The following TMEM229B variants were observed in gnomAD, a reference collection of about 807,000 sequenced individuals.
TMEM229B encodes transmembrane protein 229B.
In TMEM229B, 6 loss-of-function variants were observed where a neutral mutation model predicts 13.7. That is an observed-to-expected ratio of 0.44 (90% CI 0.24 to 0.86). The LOEUF (loss-of-function observed/expected upper bound fraction) is 0.86. Ranked by LOEUF, TMEM229B falls within the 40% of genes least tolerant of loss-of-function variation. The pLI is 0.23. For missense variants in TMEM229B, 170 were observed against 236.0 expected, an observed-to-expected ratio of 0.72 and a Z score of 1.83; for synonymous variants, 107 against 102.1, an observed-to-expected ratio of 1.05 and a Z score of -0.29.
At chr14:67,474,302 C>T (rs1273375921) in intron 2 of TMEM229B, among the ~76,000 whole-genome samples, 1 of 151,802 alleles carries the variant, frequency 6.6e-6, no homozygotes, top group East Asian at 1.9e-4. Flanking sequence ...ATAACCCACC[C>T]ACCCCACTGA....
intron 2 of TMEM229B, among the ~76,000 whole-genome samples, chr14:67,485,542 A>G (rs1177074443): frequency 6.6e-6 from 1 of 152,194 alleles, no homozygotes; most frequent in Non-Finnish European, 1.5e-5. Flanking sequence ...AGGAACTCCA[A>G]AAAAAGCTTG....
At chr14:67,486,792 G>T (rs569078525) in intron 2 of TMEM229B, among the ~76,000 whole-genome samples, 7 of 152,182 alleles carry the variant, frequency 4.6e-5, no homozygotes, top group African/African-American at 7.2e-5. Flanking sequence ...GTCTGGCCTG[G>T]ATTTTAGAGG....
At chr14:67,523,231 G>A (rs1228225106) in intron 1 of TMEM229B, among the ~76,000 whole-genome samples, 1 of 152,064 alleles carries the variant, frequency 6.6e-6, no homozygotes, top group Admixed American at 6.5e-5. Context: ...GCTAAGGCAG[G>A]GAGAATTGCT....
intron 2 of TMEM229B, among the ~76,000 whole-genome samples, chr14:67,477,877 G>T (rs762937489): frequency 1.2e-4 from 19 of 152,228 alleles, no homozygotes; most frequent in Admixed American, 2.6e-4. Flanking sequence ...TAGAACCAGC[G>T]GTCTCAAAGT....
intron 1 of TMEM229B, among the ~76,000 whole-genome samples, chr14:67,508,756 A>AAAAAAAAAAAAAAAAAAC (rs2032922854): frequency 2.0e-5 from 3 of 148,634 alleles, no homozygotes; most frequent in Admixed American, 1.3e-4. Flanking sequence ...CTTGTCTCAA[A>AAAAAAAAAAAAAAAAAAC]AAAAAAAAAA....
In TMEM229B at chr14:67,521,551, C is replaced by T. The variant is rs567405444; in HGVS notation, c.-192+12085G>A. On this transcript the variant is annotated intron_variant, in intron 1 of 2. Coordinates refer to the TMEM229B transcript ENST00000554278. The stretch of plus-strand genomic sequence containing the variant: ...TGGGGATATTTAAAGGTCCTGTCCT[C>T]TCTTGTTTTTTCATCATCAAAAAGA... 7.9e-5 allele frequency among the ~76,000 whole-genome samples: 12 copies of T among 152,262 alleles called. No homozygotes were observed. In the East Asian group the frequency reaches 2.3e-3, roughly 29 times the overall value.
At chr14:67,525,623 G>A (rs7161631) in intron 1 of TMEM229B, among the ~76,000 whole-genome samples, 142,794 of 152,334 alleles carry the variant, frequency 0.94, 67,030 homozygotes, top group South Asian at 0.97. Flanking sequence ...GAGTGGGGAA[G>A]GTCCTAGTAA....
At chr14:67,502,139 C>T (rs2032633323) in intron 1 of TMEM229B, among the ~76,000 whole-genome samples, 1 of 151,988 alleles carries the variant, frequency 6.6e-6, no homozygotes, top group African/African-American at 2.4e-5. Flanking sequence ...TTGAGACCAA[C>T]CTGACCAACA....
At position 67,472,067 on chromosome 14, in the gene TMEM229B, A is replaced by T. The variant is rs2030767688; in HGVS notation, c.*1353T>A. The T allele has an allele frequency of 6.6e-6, 1 of 152,314 alleles. No homozygotes were observed. The highest frequency in any genetic ancestry group is 6.6e-5 in the Admixed American group (1 of 15,260). 9.4% of individuals were successfully genotyped at this position (152,314 alleles called of 1,614,324 possible). ...CAGGGGAACCAAGGTGCCAATGCCC[A>T]TGAGTGTGGCAGGGTTAATACTGTT... On this transcript the variant is annotated 3_prime_UTR_variant, in exon 3 of 3. Transcript: ENST00000554480.
intron 1 of TMEM229B, among the ~76,000 whole-genome samples, chr14:67,502,879 A>G (rs779389951): frequency 3.9e-5 from 6 of 152,204 alleles, no homozygotes; most frequent in African/African-American, 1.2e-4. Flanking sequence ...GGGTCCTGAA[A>G]TGTATTAAGA....
intron 1 of TMEM229B, among the ~76,000 whole-genome samples, chr14:67,522,720 G>A (rs763547383): frequency 6.6e-5 from 10 of 152,094 alleles, no homozygotes; most frequent in Admixed American, 6.5e-5. Flanking sequence ...GAGTCAAAAG[G>A]TTTCTCCCAT....
At chr14:67,492,384 G>T (rs552856055), upstream of TMEM229B, among the ~76,000 whole-genome samples, 1 of 152,168 alleles carries the variant, frequency 6.6e-6, no homozygotes, top group Non-Finnish European at 1.5e-5. Flanking sequence ...ATCAGGCAGC[G>T]GCTGAGAGGC....
chr14:67,526,072 T>G (rs1170709418), intron 1 of TMEM229B, among the ~76,000 whole-genome samples: 8 of 152,194 alleles, frequency 5.3e-5, no homozygotes, highest in Non-Finnish European at 1.5e-5. Context: ...TCTACCTGAT[T>G]CCTTTGTGTG....
In TMEM229B at chr14:67,473,736, A is replaced by T; in HGVS notation, c.188T>A (p.Met63Lys). 1 of 1,612,726 alleles carries T rather than the reference A, an allele frequency of 6.2e-7. No homozygotes were observed. The highest frequency in any genetic ancestry group is 8.5e-7 in the Non-Finnish European group (1 of 1,179,486). ...YGTSILIVERMYLRLRGRCPL... is the reference protein window; with the variant it reads ...YGTSILIVERKYLRLRGRCPL... ...GCAGCGGCCGCGCAGCCGCAGGTAC[A>T]TGCGCTCCACGATGAGGATGGAGGT... Residue 63 changes from methionine to lysine, a missense_variant, in exon 3 of 3, where the codon ATG becomes AAG. By Grantham distance (95) the Met-to-Lys change is moderately conservative. Coordinates refer to ENST00000554480, the MANE Select transcript of TMEM229B (RefSeq NM_001348543.2). This position sits in a 1 kb window ranked among gnomAD's most constrained non-coding sequence, Gnocchi z 6.5.
At chr14:67,495,361 C>T (rs146959111) in intron 1 of TMEM229B, among the ~76,000 whole-genome samples, 20 of 152,252 alleles carry the variant, frequency 1.3e-4, no homozygotes, top group African/African-American at 4.3e-4. Flanking sequence ...TGCCAGAAGA[C>T]GGGGTTAAAC....
chr14:67,503,030 G>A (rs1290344201), intron 1 of TMEM229B, among the ~76,000 whole-genome samples: 1 of 152,154 alleles, frequency 6.6e-6, no homozygotes, highest in Non-Finnish European at 1.5e-5. Flanking sequence ...GTTCAGGGAA[G>A]TTGAGAGCCT....
intron 1 of TMEM229B, among the ~76,000 whole-genome samples, chr14:67,514,901 G>C (rs368758503): frequency 6.6e-6 from 1 of 152,204 alleles, no homozygotes; most frequent in South Asian, 2.1e-4. Context: ...ATCTCGAACC[G>C]GGGCAGCAGC....
chr14:67,489,608 C>G (rs1040547665), upstream of TMEM229B, among the ~76,000 whole-genome samples: 2 of 152,294 alleles, frequency 1.3e-5, no homozygotes, highest in South Asian at 4.1e-4. Context: ...TTTGCGATGC[C>G]GTCCCACAAC....
intron 1 of TMEM229B, among the ~76,000 whole-genome samples, chr14:67,521,367 T>C (rs886709108): frequency 1.3e-5 from 2 of 152,080 alleles, no homozygotes; most frequent in South Asian, 2.1e-4. Flanking sequence ...CACAGAGGGA[T>C]GGAAAGGGGT....
Sources: allele counts gnomAD v4.1 joint callset (sites outside exome capture counted in the v4.1 genomes callset), GRCh38; gene constraint gnomAD v4.1.1; non-coding constraint Gnocchi (gnomAD v3.1); transcripts MANE v1.5; gene names NCBI Gene and HGNC (gene_info 2026-07-23, HGNC 2026-07-21).